ZPBP: variants seen among roughly 807,000 people sequenced by gnomAD.
The protein encoded by ZPBP is zona pellucida-binding protein 1.
ZPBP carries 26 observed loss-of-function variants against 44.8 expected under a neutral mutation model. The ratio of observed to expected loss-of-function variants is 0.58; its 90% CI spans 0.43 to 0.81. ZPBP has a LOEUF of 0.81. Among genes scored for constraint, ZPBP ranks in the 30% least tolerant of loss-of-function variants. ZPBP has a pLI of 0.00. For missense variants in ZPBP, 409 were observed against 434.0 expected (o/e 0.94, Z 0.51); for synonymous variants, 174 against 153.2 (o/e 1.14, Z -1.00).
At chr7:50,032,049 G>C (rs939608056) in intron 4 of ZPBP, among the ~76,000 whole-genome samples, 1 of 152,110 alleles carries the variant, frequency 6.6e-6, no homozygotes, top group African/African-American at 2.4e-5. Flanking sequence ...ACACACTGAA[G>C]TGCACCCAGC....
chr7:49,896,624 C>T (rs1792395343), intron 2 of ZPBP, among the ~76,000 whole-genome samples: 1 of 151,552 alleles, frequency 6.6e-6, no homozygotes, highest in East Asian at 1.9e-4. Flanking sequence ...TTGAAAAGAT[C>T]AACAATTAAA....
At chr7:50,026,282 T>G (rs1210820960) in intron 5 of ZPBP, among the ~76,000 whole-genome samples, 1 of 150,794 alleles carries the variant, frequency 6.6e-6, no homozygotes, top group African/African-American at 2.4e-5. Context: ...AACAACAGAG[T>G]CCCAAATTAT....
chr7:49,882,631 A>G (rs1262722672), intron 2 of ZPBP, among the ~76,000 whole-genome samples: 1 of 152,034 alleles, frequency 6.6e-6, no homozygotes, highest in African/African-American at 2.4e-5. Context: ...AGGGAGAGAG[A>G]CAGGGAGAGA....
chr7:49,882,247 C>T (rs1791700444), intron 2 of ZPBP, among the ~76,000 whole-genome samples: 7 of 151,974 alleles, frequency 4.6e-5, no homozygotes, highest in Admixed American at 4.6e-4. Flanking sequence ...CCAGAGTTTT[C>T]AATTAGGAGG....
intron 2 of ZPBP, among the ~76,000 whole-genome samples, chr7:49,866,856 G>T (rs1285570373): frequency 6.6e-6 from 1 of 152,186 alleles, no homozygotes; most frequent in Admixed American, 6.5e-5. Flanking sequence ...CAGACAACCC[G>T]AGGCATGCCT....
intron 4 of ZPBP, among the ~76,000 whole-genome samples, chr7:50,045,115 A>C (rs1387882033): frequency 6.6e-6 from 1 of 152,162 alleles, no homozygotes; most frequent in Non-Finnish European, 1.5e-5. Flanking sequence ...TATGCTAAAA[A>C]CTCTCAATAA....
intron 2 of ZPBP, among the ~76,000 whole-genome samples, chr7:49,895,324 A>G (rs1792328948): frequency 6.6e-6 from 1 of 152,204 alleles, no homozygotes; most frequent in African/African-American, 2.4e-5. Context: ...TTCACCTCTT[A>G]ATACTATCAC....
At chr7:50,007,350 A>G (rs1049603952) in intron 6 of ZPBP, among the ~76,000 whole-genome samples, 3 of 152,066 alleles carry the variant, frequency 2.0e-5, no homozygotes, top group African/African-American at 7.2e-5. Flanking sequence ...AAGAAACAGA[A>G]AGCCTGAGTA....
intron 2 of ZPBP, among the ~76,000 whole-genome samples, chr7:49,867,215 C>T (rs557076105): frequency 3.2e-4 from 48 of 152,296 alleles, no homozygotes; most frequent in African/African-American, 1.1e-3. Flanking sequence ...GAAACTTTGT[C>T]CATATCCCTT....
At chr7:49,911,538 A>G (rs1047457321) in intron 1 of ZPBP, among the ~76,000 whole-genome samples, 1 of 151,580 alleles carries the variant, frequency 6.6e-6, no homozygotes, top group African/African-American at 2.4e-5. Flanking sequence ...GAACAAAAGT[A>G]GAGTATTTCA....
intron 7 of ZPBP, among the ~76,000 whole-genome samples, chr7:49,948,400 G>A (rs1211187956): frequency 6.6e-6 from 1 of 152,092 alleles, no homozygotes; most frequent in East Asian, 1.9e-4. Context: ...AAAACCTTTT[G>A]TGTATCAAAG....
At chr7:49,841,286 C>T in the ZPBP span, among the ~76,000 whole-genome samples, 4 of 150,240 alleles carry the variant, frequency 2.7e-5, no homozygotes, top group Non-Finnish European at 5.9e-5. Context: ...TTTGCTGAAA[C>T]AGCCTAAGAT....
chr7:50,023,408 T>C (rs1241500768), intron 5 of ZPBP, among the ~76,000 whole-genome samples: 1 of 151,946 alleles, frequency 6.6e-6, no homozygotes, highest in East Asian at 1.9e-4. Flanking sequence ...AAAGTCTCCA[T>C]ATCACTCAAA....
At chr7:50,092,166 C>G (rs1034869116) in intron 1 of ZPBP, among the ~76,000 whole-genome samples, 5 of 152,084 alleles carry the variant, frequency 3.3e-5, no homozygotes, top group Admixed American at 6.5e-5. Flanking sequence ...AAATAAAAAC[C>G]CTTTCACACC....
At chr7:49,943,048 A>T (rs1210265590) in intron 7 of ZPBP, 2 of 326,774 alleles carry the variant, frequency 6.1e-6, no homozygotes, top group Admixed American at 7.0e-5. Context: ...ACTCTCCATT[A>T]AGCAGCTTGA....
At chr7:49,921,603 G>T (rs1334689425) in intron 1 of ZPBP, 5 of 152,048 alleles carry the variant, frequency 3.3e-5, no homozygotes, top group African/African-American at 1.2e-4. Context: ...GTGAATATTT[G>T]TAAAACACGT....
chr7:49,970,713 AG>A (rs1796266670), intron 7 of ZPBP, among the ~76,000 whole-genome samples: 1 of 151,852 alleles, frequency 6.6e-6, no homozygotes, highest in Non-Finnish European at 1.5e-5. Flanking sequence ...TCAAAGGGTC[AG>A]TATAGAAAAC....
intron 7 of ZPBP, among the ~76,000 whole-genome samples, chr7:49,947,491 G>A (rs918570224): frequency 1.3e-5 from 2 of 152,198 alleles, no homozygotes; most frequent in Admixed American, 1.3e-4. Flanking sequence ...TTTTGGGTAA[G>A]ATTCAGAAGA....
At chr7:49,945,352 A>G (rs1384014819) in intron 7 of ZPBP, among the ~76,000 whole-genome samples, 2 of 152,106 alleles carry the variant, frequency 1.3e-5, no homozygotes, top group South Asian at 4.1e-4. Flanking sequence ...GAATATGGCT[A>G]TTAGGTTCAT....
Sources: gnomAD v4.1 joint callset for allele counts (sites outside exome capture counted in the v4.1 genomes callset) on GRCh38, gnomAD v4.1.1 for gene constraint, MANE v1.5 for transcripts, NCBI Gene and HGNC (gene_info 2026-07-23, HGNC 2026-07-21) for gene names.